Variants in PRKG1 observed in about 807,000 individuals in gnomAD.
PRKG1 encodes protein kinase cGMP-dependent 1.
PRKG1 carries 35 observed loss-of-function variants against 88.1 expected under a neutral mutation model. That is an observed-to-expected ratio of 0.40 (90% CI 0.30 to 0.53). The LOEUF (loss-of-function observed/expected upper bound fraction) is 0.53, where lower values mean the gene tolerates loss of function less well. Among genes scored for constraint, PRKG1 ranks in the 20% least tolerant of loss-of-function variants. The pLI, the probability that PRKG1 is intolerant of heterozygous loss-of-function variation, is 0.59. For synonymous variants in PRKG1, 303 were observed against 292.5 expected (o/e 1.04, Z -0.37); for missense variants, 540 against 839.8 (o/e 0.64, Z 4.41).
intron 2 of PRKG1, among the ~76,000 whole-genome samples, chr10:51,430,878 C>G (rs991592056): frequency 7.2e-5 from 11 of 152,128 alleles, no homozygotes; most frequent in African/African-American, 2.4e-4. Flanking sequence ...TTGGCAATAT[C>G]CAAAGCAGAT....
intron 5 of PRKG1, among the ~76,000 whole-genome samples, chr10:51,923,664 G>A (rs762990311): frequency 6.6e-6 from 1 of 151,004 alleles, no homozygotes; most frequent in Non-Finnish European, 1.5e-5. Flanking sequence ...TTATAACAGA[G>A]TATTCCTGTC....
At chr10:51,460,794 A>G (rs1037064395) in intron 2 of PRKG1, among the ~76,000 whole-genome samples, 14 of 152,150 alleles carry the variant, frequency 9.2e-5, no homozygotes, top group Admixed American at 7.2e-4. Flanking sequence ...AATTATCTTC[A>G]AGGACAGAAT....
At chr10:51,882,243 C>A (rs1309065046) in intron 4 of PRKG1, among the ~76,000 whole-genome samples, 1 of 152,166 alleles carries the variant, frequency 6.6e-6, no homozygotes, top group Non-Finnish European at 1.5e-5. Context: ...CAAAGTCCCC[C>A]CAGACAAATG....
intron 3 of PRKG1, among the ~76,000 whole-genome samples, chr10:51,644,094 A>G (rs896948219): frequency 2.0e-5 from 3 of 152,220 alleles, no homozygotes; most frequent in African/African-American, 2.4e-5. Context: ...TACAATGCCA[A>G]TATCACACCT....
At chr10:51,909,801 G>A (rs1214044541) in intron 5 of PRKG1, 1 of 152,076 alleles carries the variant, frequency 6.6e-6, no homozygotes, top group East Asian at 1.9e-4. Context: ...GCAAAGCTTG[G>A]ATTTTAATTT....
At chr10:51,926,322 G>A (rs975756214) in intron 5 of PRKG1, among the ~76,000 whole-genome samples, 6 of 152,124 alleles carry the variant, frequency 3.9e-5, no homozygotes, top group Admixed American at 1.3e-4. Context: ...AGGAGTGTAA[G>A]TTTGGAAATA....
intron 2 of PRKG1, among the ~76,000 whole-genome samples, chr10:51,246,613 GAA>G (rs11314803): frequency 1.5e-3 from 215 of 143,680 alleles, no homozygotes; most frequent in Middle Eastern, 7.0e-3. Context: ...AGAAAAAAAA[GAA>G]AAAAAAAAAA....
At chr10:51,881,874 A>T (rs1725150520) in intron 4 of PRKG1, among the ~76,000 whole-genome samples, 1 of 152,164 alleles carries the variant, frequency 6.6e-6, no homozygotes, top group Admixed American at 6.5e-5. Flanking sequence ...CTTAAGTTAG[A>T]TGCATCACAG....
chr10:52,162,043 A>G (rs2132688850), intron 9 of PRKG1, 80 bp downstream of exon 9: 2 of 1,162,250 alleles, frequency 1.7e-6, no homozygotes, highest in East Asian at 4.8e-5. Context: ...TGGACTTGAC[A>G]CATCCCAACA....
chr10:51,541,134 G>A (rs756459565), intron 3 of PRKG1, among the ~76,000 whole-genome samples: 13 of 152,124 alleles, frequency 8.5e-5, no homozygotes, highest in Non-Finnish European at 1.6e-4. Context: ...TTGGGGTGGG[G>A]GATGGCTTCA....
chr10:51,243,085 T>G (rs949642586), intron 2 of PRKG1, among the ~76,000 whole-genome samples: 6 of 152,090 alleles, frequency 3.9e-5, no homozygotes, highest in African/African-American at 1.4e-4. Flanking sequence ...AAATGCCCCT[T>G]AATTAGTAGA....
At position 51,525,040 on chromosome 10, in the gene PRKG1, C is replaced by G. The variant is rs1841840115; in HGVS notation, c.592+57204C>G. On this transcript the variant is annotated intron_variant, in intron 3 of 17. Transcript: ENST00000373980. ...GTTCCCTAAGGGCTTTAAGCAGATT[C>G]AAGAAACATATCTGAATCACCTATA... 2.0e-5 allele frequency among the ~76,000 whole-genome samples: 3 copies of G among 152,046 alleles called. No individual in the cohort carries two copies. In the South Asian group the frequency reaches 6.2e-4, roughly 32 times the overall value.
At chr10:52,145,448 GATA>G (rs1033060131) in intron 8 of PRKG1, among the ~76,000 whole-genome samples, 1 of 152,060 alleles carries the variant, frequency 6.6e-6, no homozygotes, top group Non-Finnish European at 1.5e-5. Context: ...CAGTTAAAAA[GATA>G]ATATTTGAAA....
At chr10:51,454,514 C>T (rs1381977652) in intron 2 of PRKG1, among the ~76,000 whole-genome samples, 2 of 152,142 alleles carry the variant, frequency 1.3e-5, no homozygotes, top group African/African-American at 4.8e-5. Flanking sequence ...TTGTATTAGT[C>T]TGTTCTCACA....
At chr10:51,008,310 G>A (rs765820119) in intron 1 of PRKG1, among the ~76,000 whole-genome samples, 1 of 152,172 alleles carries the variant, frequency 6.6e-6, no homozygotes, top group Admixed American at 6.5e-5. Flanking sequence ...ACTGCAAGAA[G>A]GGTGACTATA....
chr10:51,433,689 T>C (rs293335), intron 2 of PRKG1, among the ~76,000 whole-genome samples: 10,873 of 152,210 alleles, frequency 0.071, 1,114 homozygotes, highest in African/African-American at 0.22. Flanking sequence ...TGTGTTCACA[T>C]AGAACTATGT....
At chr10:52,113,158 T>C (rs1004476376) in intron 7 of PRKG1, among the ~76,000 whole-genome samples, 2 of 152,216 alleles carry the variant, frequency 1.3e-5, no homozygotes, top group African/African-American at 4.8e-5. Context: ...CACATGGTGA[T>C]CACTCAGTAC....
intron 11 of PRKG1, 83 bp downstream of exon 11, chr10:52,271,572 G>A: frequency 7.0e-7 from 1 of 1,422,898 alleles, no homozygotes; most frequent in Non-Finnish European, 9.4e-7. Flanking sequence ...TGTGCTCACT[G>A]TTAACACATT....
intron 10 of PRKG1, among the ~76,000 whole-genome samples, chr10:52,262,560 C>T (rs1340088054): frequency 3.9e-5 from 6 of 151,976 alleles, no homozygotes; most frequent in Admixed American, 1.3e-4. Context: ...CATGAGCCAC[C>T]GCACTTGGTC....
Sources: allele counts gnomAD v4.1 joint callset (sites outside exome capture counted in the v4.1 genomes callset), GRCh38; gene constraint gnomAD v4.1.1; transcripts MANE v1.5; gene names NCBI Gene and HGNC (gene_info 2026-07-23, HGNC 2026-07-21).